YTHDC1: variants seen among roughly 807,000 people sequenced by gnomAD.
The protein encoded by YTHDC1 is YTH domain-containing protein 1.
Under a neutral mutation model 107.0 loss-of-function variants are expected in YTHDC1, and 12 were observed. The ratio of observed to expected loss-of-function variants is 0.11; its 90% CI spans 0.07 to 0.18. The LOEUF (loss-of-function observed/expected upper bound fraction) is 0.18. Ranked by LOEUF, YTHDC1 falls within the 10% of genes least tolerant of loss-of-function variation. The pLI is 1.00. For missense variants in YTHDC1, 635 were observed against 898.8 expected (o/e 0.71, Z 3.75); for synonymous variants, 280 against 289.5 (o/e 0.97, Z 0.33).
chr4:68,331,445 AGTTTT>A (rs1397385061), intron 7 of YTHDC1, among the ~76,000 whole-genome samples: 1 of 152,146 alleles, frequency 6.6e-6, no homozygotes, highest in Non-Finnish European at 1.5e-5. Flanking sequence ...GTCTAACTTT[AGTTTT>A]AAGTTTCTGA....
intron 7 of YTHDC1, among the ~76,000 whole-genome samples, chr4:68,331,135 T>C (rs1723537676): frequency 6.6e-6 from 1 of 152,316 alleles, no homozygotes; most frequent in East Asian, 1.9e-4. Flanking sequence ...ACCTCTAGAA[T>C]ACTTATACCT....
At chr4:68,341,380 A>G (rs1724785946) in intron 1 of YTHDC1, among the ~76,000 whole-genome samples, 1 of 152,178 alleles carries the variant, frequency 6.6e-6, no homozygotes. Flanking sequence ...CAACATTTAA[A>G]ATCTACTGAA....
intron 1 of YTHDC1, among the ~76,000 whole-genome samples, chr4:68,347,016 T>C (rs1322996312): frequency 6.6e-6 from 1 of 152,186 alleles, no homozygotes; most frequent in Non-Finnish European, 1.5e-5. Flanking sequence ...TAGCTTTCGT[T>C]ATCATACTGC....
chr4:68,329,066 T>C (rs1723296178), intron 9 of YTHDC1, among the ~76,000 whole-genome samples: 1 of 152,156 alleles, frequency 6.6e-6, no homozygotes, highest in Non-Finnish European at 1.5e-5. Flanking sequence ...ATTTGTAATA[T>C]ATCACTCCCT....
At position 68,332,313 on chromosome 4, in the gene YTHDC1, C is replaced by G. The variant is rs1723679193; in HGVS notation, c.1028-116G>C. On this transcript the variant is annotated intron_variant, in intron 6 of 16. Transcript: ENST00000344157. ...ACCCAGCTAAACTTTTAAAACGCAACAATCACCCATTCAACCTGGAAGGCT... is the reference window on the plus strand; with the variant it reads ...ACCCAGCTAAACTTTTAAAACGCAAGAATCACCCATTCAACCTGGAAGGCT... 4 of 559,080 alleles carry G rather than the reference C, an allele frequency of 7.2e-6. No homozygotes were observed. The South Asian group carries it at 1.3e-4, about 18-fold the overall frequency. 34.6% of individuals were successfully genotyped at this position (559,080 alleles called of 1,614,324 possible).
chr4:68,332,139 A>G lies in YTHDC1; in HGVS notation c.1086T>C (p.Ser362=), dbSNP rs1470986251. 3.1e-6 allele frequency: 5 copies of G among 1,610,290 alleles called. No homozygotes were observed. In the South Asian group the frequency reaches 5.5e-5, roughly 18 times the overall value. Residue 362 remains serine, a synonymous_variant, in exon 7 of 17, where the codon AGT becomes AGC. Coordinates refer to ENST00000344157, the MANE Select transcript of YTHDC1 (RefSeq NM_001031732.4). Reference sequence around the variant, plus strand: ...CAAGAGACACATTCTCATGGTTGTTACTCTTTATGAGGAAAAATCTTGCAT... The same window carrying G: ...CAAGAGACACATTCTCATGGTTGTTGCTCTTTATGAGGAAAAATCTTGCAT... The part of the protein sequence containing the change: ...LQDARFFLIK[S]NNHENVSLAK...
chr4:68,347,883 A>G (rs556590517), intron 1 of YTHDC1, among the ~76,000 whole-genome samples: 2 of 152,328 alleles, frequency 1.3e-5, no homozygotes, highest in South Asian at 2.1e-4. Flanking sequence ...GAAATAAACA[A>G]TTCCAGTAGG....
At chr4:68,329,792 A>G (rs973430555) in intron 9 of YTHDC1, among the ~76,000 whole-genome samples, 1 of 152,180 alleles carries the variant, frequency 6.6e-6, no homozygotes, top group Non-Finnish European at 1.5e-5. Context: ...CAACTGTCCA[A>G]TTCATTTACT....
intron 1 of YTHDC1, among the ~76,000 whole-genome samples, chr4:68,342,911 C>T (rs1220970363): frequency 6.6e-6 from 1 of 151,910 alleles, no homozygotes; most frequent in East Asian, 1.9e-4. Flanking sequence ...TTTAACCTAC[C>T]TGAACAAACG....
intron 16 of YTHDC1, 117 bp from the exon 17 acceptor site, chr4:68,314,440 T>C (rs1196078541): frequency 3.5e-6 from 3 of 863,532 alleles, no homozygotes; most frequent in Non-Finnish European, 5.0e-6. Flanking sequence ...AAGAAAAGTC[T>C]CTGTATTATA....
At position 68,337,038 on chromosome 4, in the gene YTHDC1, G is replaced by A; in HGVS notation, c.872C>T (p.Thr291Ile). The A allele has an allele frequency of 6.2e-7, 1 of 1,610,334 alleles. No individual in the cohort carries two copies. The highest frequency in any genetic ancestry group is 8.5e-7 in the Non-Finnish European group (1 of 1,177,798). ...TDGSVRSGSG[T>I]DGSDEKKKER... is the part of the protein sequence containing the mutation. ...ATAAAAAGTAGTACCTGATCCATCT[G>A]TGCCTGAACCAGATCTGACAGACCC... Residue 291 changes from threonine (T) to isoleucine (I), a missense_variant, in exon 4 of 17, where the codon ACA becomes ATA. Thr to Ile is a moderately conservative substitution (Grantham distance 89, BLOSUM62 -1). Around this residue, in one of 5 missense-constraint regions of YTHDC1, gnomAD observed 294 missense variants for 312.3 expected, o/e 0.94. Coordinates refer to ENST00000344157, the MANE Select transcript of YTHDC1 (RefSeq NM_001031732.4).
rs758313417 is a variant in YTHDC1, at chr4:68,337,412, G to T, written c.498C>A (p.Ser166=). The change falls in exon 4 of 17, where the codon TCC becomes TCA. Residue 166 remains serine (S), a synonymous_variant. Coordinates refer to ENST00000344157, the MANE Select transcript of YTHDC1 (RefSeq NM_001031732.4). The stretch of plus-strand genomic sequence containing the variant: ...TCACTTCTTCCTTAGAAGACTGGCT[G>T]GATCTGCTTGCACGTCTATCCACTT... The part of the protein sequence containing the change: ...GLEVDRRASR[S]SQSSKEEVNS... The T allele has an allele frequency of 4.3e-6, 7 of 1,614,028 alleles. No individual in the cohort carries two copies. Among genetic ancestry groups the T allele is most frequent in the Non-Finnish European group, 5.9e-6 (7 of 1,180,030 alleles).
In YTHDC1 at chr4:68,322,229, A is replaced by G. The variant is rs1162128396; in HGVS notation, c.1601+520T>C. Among the ~76,000 whole-genome samples, 2 of 152,204 alleles carry G rather than the reference A, an allele frequency of 1.3e-5. No individual in the cohort carries two copies. The highest frequency in any genetic ancestry group is 4.8e-5 in the African/African-American group (2 of 41,458). ...GGTGATAAAATCTGAAACAGTCCCA[A>G]TAATGCTCCTCTTGAATATCAAAAT... On this transcript the variant is annotated intron_variant, in intron 11 of 16. Coordinates refer to ENST00000344157, the MANE Select transcript of YTHDC1 (RefSeq NM_001031732.4). The surrounding 1 kb of genome is among the most constrained non-coding windows in gnomAD (Gnocchi z 4.8).
chr4:68,326,629 T>C (rs1405123046), intron 9 of YTHDC1, among the ~76,000 whole-genome samples: 2 of 152,058 alleles, frequency 1.3e-5, no homozygotes, highest in Non-Finnish European at 2.9e-5. Context: ...CTCACTCTGT[T>C]ACCCAGACTG....
Position 68,313,876 on chromosome 4 carries a change from A to T in YTHDC1, c.*223T>A. 1 of 589,802 alleles carries T rather than the reference A, an allele frequency of 1.7e-6. No individual in the cohort carries two copies. The highest frequency in any genetic ancestry group is 3.0e-6 in the Non-Finnish European group (1 of 334,000). The allele number at this position is 589,802 out of a possible 1,614,324, so 36.5% of individuals were successfully genotyped here. On this transcript the variant is annotated 3_prime_UTR_variant, in exon 17 of 17. Transcript: ENST00000344157. ...TTGGACTGTTCCATTCTGCCCCAATAAAAGTGTCAATTCAACTGTCAGCTG... is the reference window on the plus strand; with the variant it reads ...TTGGACTGTTCCATTCTGCCCCAATTAAAGTGTCAATTCAACTGTCAGCTG...
intron 1 of YTHDC1, among the ~76,000 whole-genome samples, chr4:68,346,098 T>TATATAC (rs1553908019): frequency 7.1e-6 from 1 of 141,496 alleles, no homozygotes; most frequent in Non-Finnish European, 1.5e-5. Flanking sequence ...TATATATATA[T>TATATAC]ATACACACAC....
intron 9 of YTHDC1, among the ~76,000 whole-genome samples, chr4:68,325,745 G>A (rs1007993800): frequency 3.9e-4 from 60 of 152,106 alleles, no homozygotes; most frequent in African/African-American, 1.4e-3. Flanking sequence ...ATTTTCCAGG[G>A]AAATAGAAGT....
chr4:68,342,049 C>T (rs1277970720), intron 1 of YTHDC1, among the ~76,000 whole-genome samples: 1 of 152,106 alleles, frequency 6.6e-6, no homozygotes, highest in Non-Finnish European at 1.5e-5. Flanking sequence ...GAACACAAAA[C>T]AAAATTCCTT....
intron 9 of YTHDC1, among the ~76,000 whole-genome samples, chr4:68,329,681 A>T (rs553067052): frequency 6.4e-4 from 98 of 151,940 alleles, no homozygotes; most frequent in African/African-American, 2.3e-3. Context: ...TTACCTCCGA[A>T]ATTGTTAGCC....
Sources: gnomAD v4.1 joint callset for allele counts (sites outside exome capture counted in the v4.1 genomes callset) on GRCh38, gnomAD v4.1.1 for gene constraint, gnomAD v4.1.1 regional missense constraint, Gnocchi (gnomAD v3.1) non-coding constraint, MANE v1.5 for transcripts, NCBI Gene and HGNC (gene_info 2026-07-23, HGNC 2026-07-21) for gene names.